SYT7: variants seen among roughly 807,000 people sequenced by gnomAD.
SYT7 encodes the protein synaptotagmin-7.
A neutral mutation model predicts 75.1 loss-of-function variants in SYT7; 29 were observed. The ratio of observed to expected loss-of-function variants is 0.39; its 90% CI spans 0.29 to 0.53. The LOEUF (loss-of-function observed/expected upper bound fraction) is 0.53, where lower values mean the gene tolerates loss of function less well. Ranked by LOEUF, SYT7 falls within the 20% of genes least tolerant of loss-of-function variation. The pLI, the probability that SYT7 is intolerant of heterozygous loss-of-function variation, is 0.77. For synonymous variants in SYT7, 376 were observed against 401.7 expected, an observed-to-expected ratio of 0.94 and a Z score of 0.76; for missense variants, 693 against 953.2, an observed-to-expected ratio of 0.73 and a Z score of 3.59.
intron 6 of SYT7, chr11:61,541,051 G>T (rs2063028160): frequency 1.0e-6 from 1 of 985,442 alleles, no homozygotes; most frequent in African/African-American, 1.7e-5. Context: ...AGCTGGCATG[G>T]CAGGGCCTCT....
In SYT7 at chr11:61,580,958, A is replaced by C; in HGVS notation, c.-138T>G. The C allele has an allele frequency of 1.0e-6, 1 of 985,928 alleles. No homozygotes were observed. The highest frequency in any genetic ancestry group is 1.2e-6 in the Non-Finnish European group (1 of 831,070). 61.1% of individuals were successfully genotyped at this position (985,928 alleles called of 1,614,324 possible). On this transcript the variant is annotated 5_prime_UTR_variant, in exon 1 of 13. Transcript: ENST00000539008. The surrounding 1 kb of genome is among the most constrained non-coding windows in gnomAD (Gnocchi z 6.1). ...GGCGGGGGCCGAGCGGGCTGCACCT[A>C]GCCGCGGAGCCGGGGAGCGGGGGCC...
intron 1 of SYT7, among the ~76,000 whole-genome samples, chr11:61,571,906 A>G (rs545169818): frequency 3.3e-5 from 5 of 152,236 alleles, no homozygotes; most frequent in African/African-American, 1.2e-4. Context: ...GTCTCCCATC[A>G]TTCCTGAGCA....
rs978118816 is a variant in SYT7, at chr11:61,545,392, C to T, written c.572+639G>A. 6.6e-5 allele frequency among the ~76,000 whole-genome samples: 10 copies of T among 152,248 alleles called. No homozygotes were observed. In the South Asian group the frequency reaches 1.0e-3, roughly 16 times the overall value. ...CCCAACAGCCAGTGGTGGGATAGCT[C>T]GGTGACCAAGACTGGGACAGCCAAC... On this transcript the variant is annotated intron_variant, in intron 5 of 12. Transcript: ENST00000539008.
chr11:61,546,393 G>T lies in SYT7; in HGVS notation c.348-138C>A. On this transcript the variant is annotated intron_variant, in intron 4 of 12. Coordinates refer to ENST00000539008, the MANE Select transcript of SYT7 (RefSeq NM_001365809.2). This position sits in a 1 kb window ranked among gnomAD's most constrained non-coding sequence, Gnocchi z 7.6. ...CAGATAAAAGGAAGAAAGAGACAGT[G>T]AGAGAGGAGGAGGAGAGAGACAGAC... 1.7e-6 allele frequency: 1 copy of T among 594,170 alleles called. No homozygotes were observed. The highest frequency in any genetic ancestry group is 2.9e-6 in the Non-Finnish European group (1 of 344,652). The allele number at this position is 594,170 out of a possible 1,614,324, so 36.8% of individuals were successfully genotyped here.
At chr11:61,581,763 TG>T (rs1236899470), upstream of SYT7, among the ~76,000 whole-genome samples, 1 of 152,232 alleles carries the variant, frequency 6.6e-6, no homozygotes, top group Non-Finnish European at 1.5e-5. Flanking sequence ...TTTCAGCCTC[TG>T]GCTATCCCTC....
intron 1 of SYT7, among the ~76,000 whole-genome samples, chr11:61,565,039 G>C (rs1026297623): frequency 6.6e-6 from 1 of 152,204 alleles, no homozygotes; most frequent in Non-Finnish European, 1.5e-5. Context: ...ATAAAGCAGA[G>C]TGCTGCTGGG....
chr11:61,538,161 G>A lies in SYT7; in HGVS notation c.1047C>T (p.Asn349=), dbSNP rs971626830. The change falls in exon 7 of 13, where the codon AAC becomes AAT. Residue 349 remains asparagine, a synonymous_variant. Coordinates refer to ENST00000539008, the MANE Select transcript of SYT7 (RefSeq NM_001365809.2). ...GCTCGTACCTCTTGTCCCCCTGAGCGTTCTGGTTCTGCTGGGTTCCTGGGT... is the reference window on the plus strand; with the variant it reads ...GCTCGTACCTCTTGTCCCCCTGAGCATTCTGGTTCTGCTGGGTTCCTGGGT... The part of the protein sequence containing the change: ...LQNPGTQQNQ[N]AQGDKRLPAG... 53 of 1,535,914 alleles carry A rather than the reference G, an allele frequency of 3.5e-5. No individual in the cohort carries two copies. The highest frequency in any genetic ancestry group is 4.1e-5 in the African/African-American group (3 of 73,026).
At position 61,576,712 on chromosome 11, in the gene SYT7, T is replaced by C. The variant is rs918464560; in HGVS notation, c.31+4078A>G. Among the ~76,000 whole-genome samples the C allele has an allele frequency of 1.1e-3, 8 of 7,500 alleles. No individual in the cohort carries two copies. Among genetic ancestry groups the C allele is most frequent in the African/African-American group, 4.7e-3 (8 of 1,720 alleles). 4.9% of individuals were successfully genotyped at this position (7,500 alleles called of 152,430 possible). ...AGTCCGTGAGAGAATAGGGGGTGGG[T>C]GGGGAGTAGGATGGGGGGACTCAGG... is the stretch of plus-strand genomic sequence containing the variant. On this transcript the variant is annotated intron_variant, in intron 1 of 12. Transcript: ENST00000539008. The surrounding 1 kb of genome is among the most constrained non-coding windows in gnomAD (Gnocchi z 4.1).
intron 1 of SYT7, among the ~76,000 whole-genome samples, chr11:61,577,663 G>A (rs745578836): frequency 6.6e-6 from 1 of 152,204 alleles, no homozygotes; most frequent in Non-Finnish European, 1.5e-5. Context: ...TGCCCTGCAT[G>A]CTCCCAAGTC....
Position 61,524,346 on chromosome 11 carries a change from C to T in SYT7, c.1641+17G>A. 1 of 1,613,494 alleles carries T rather than the reference C, an allele frequency of 6.2e-7. No homozygotes were observed. Among genetic ancestry groups the T allele is most frequent in the Non-Finnish European group, 8.5e-7 (1 of 1,179,674 alleles). On this transcript the variant is annotated intron_variant, in intron 10 of 12. Transcript: ENST00000539008. The surrounding 1 kb of genome is among the most constrained non-coding windows in gnomAD (Gnocchi z 4.1). ...CCCTGCTGCCTGTCCAGCTAAGACC[C>T]ACCCATGGGGCCTTACACTCCCATC...
chr11:61,573,452 G>C (rs5012629), intron 1 of SYT7, among the ~76,000 whole-genome samples: 1 of 152,126 alleles, frequency 6.6e-6, no homozygotes, highest in Non-Finnish European at 1.5e-5. Flanking sequence ...CAGAGGTAGG[G>C]ACAGATATGT....
Position 61,538,224 on chromosome 11 carries a change from C to T in SYT7, c.984G>A (p.Ser328=), listed in dbSNP as rs2062927125. The change falls in exon 7 of 13, where the codon TCG becomes TCA. Residue 328 remains serine (S), a synonymous_variant. Transcript: ENST00000539008. The part of the protein sequence containing the change: ...MVVLSLVLGL[S]EQDDFANIPD... ...GGATATTGGCAAAGTCATCCTGTTC[C>T]GAAAGCCCTAAGACCAAGGATAGCA... The T allele has an allele frequency of 7.8e-6, 12 of 1,535,980 alleles. No individual in the cohort carries two copies. The highest frequency in any genetic ancestry group is 1.0e-5 in the Non-Finnish European group (12 of 1,146,852).
chr11:61,535,994 G>A (rs2062859403), intron 7 of SYT7, among the ~76,000 whole-genome samples: 1 of 152,292 alleles, frequency 6.6e-6, no homozygotes, highest in Non-Finnish European at 1.5e-5. Context: ...GGTGCCCAGT[G>A]GGTGGTGCTG....
intron 1 of SYT7, among the ~76,000 whole-genome samples, chr11:61,561,023 G>A (rs982835264): frequency 3.3e-4 from 51 of 152,284 alleles, no homozygotes; most frequent in African/African-American, 1.1e-3. Context: ...AATCCTTGCC[G>A]ACAGTTCTAA....
intron 9 of SYT7, among the ~76,000 whole-genome samples, chr11:61,527,121 G>T (rs182029408): frequency 6.6e-6 from 1 of 152,130 alleles, no homozygotes; most frequent in Non-Finnish European, 1.5e-5. Flanking sequence ...GATAAAGACC[G>T]GCCTTCAGAG....
At position 61,580,503 on chromosome 11, in the gene SYT7, C is replaced by T. The variant is rs1182177585; in HGVS notation, c.31+287G>A. ...ACAGGGGCAGCGGCTCCTCGCTCCGCCACACACGTTGTCCTTGGGCTGTTG... is the reference window on the plus strand; with the variant it reads ...ACAGGGGCAGCGGCTCCTCGCTCCGTCACACACGTTGTCCTTGGGCTGTTG... On this transcript the variant is annotated intron_variant, in intron 1 of 12. Transcript: ENST00000539008. This position sits in a 1 kb window ranked among gnomAD's most constrained non-coding sequence, Gnocchi z 6.1. 6.6e-6 allele frequency among the ~76,000 whole-genome samples: 1 copy of T among 152,158 alleles called. No homozygotes were observed. The highest frequency in any genetic ancestry group is 1.5e-5 in the Non-Finnish European group (1 of 68,022).
At chr11:61,529,026 G>GT (rs1488266006) in intron 8 of SYT7, among the ~76,000 whole-genome samples, 1 of 152,124 alleles carries the variant, frequency 6.6e-6, no homozygotes, top group African/African-American at 2.4e-5. Flanking sequence ...CCAGCCACGT[G>GT]TCTGAACCTG....
chr11:61,525,546 C>T (rs1187144671), intron 9 of SYT7, among the ~76,000 whole-genome samples: 1 of 152,142 alleles, frequency 6.6e-6, no homozygotes, highest in African/African-American at 2.4e-5. Context: ...TTCCTGGCAC[C>T]CCAGAGAGTG....
At chr11:61,527,365 C>T (rs2062552419) in intron 9 of SYT7, among the ~76,000 whole-genome samples, 1 of 152,182 alleles carries the variant, frequency 6.6e-6, no homozygotes, top group South Asian at 2.1e-4. Flanking sequence ...GATGAGGAAA[C>T]CAAGTCATAG....
Sources: allele counts gnomAD v4.1 joint callset (sites outside exome capture counted in the v4.1 genomes callset), GRCh38; gene constraint gnomAD v4.1.1; non-coding constraint Gnocchi (gnomAD v3.1); transcripts MANE v1.5; gene names NCBI Gene and HGNC (gene_info 2026-07-23, HGNC 2026-07-21).